DENND1A: variants seen among roughly 807,000 people sequenced by gnomAD.
DENND1A encodes DENN domain containing 1A.
Under a neutral mutation model 113.7 loss-of-function variants are expected in DENND1A, and 51 were observed. The observed-to-expected ratio is 0.45, with a 90% CI of 0.36 to 0.57. The LOEUF (loss-of-function observed/expected upper bound fraction) is 0.57, where lower values mean the gene tolerates loss of function less well. DENND1A is among the 20% of genes least tolerant of loss of function. DENND1A has a pLI of 0.00. For missense variants in DENND1A, 1,258 were observed against 1,395.9 expected (o/e 0.90, Z 1.57); for synonymous variants, 565 against 570.8 (o/e 0.99, Z 0.14).
At chr9:123,742,618 G>A (rs949729921) in intron 5 of DENND1A, among the ~76,000 whole-genome samples, 1 of 152,198 alleles carries the variant, frequency 6.6e-6, no homozygotes, top group Non-Finnish European at 1.5e-5. Flanking sequence ...AGTGGGGAAG[G>A]GAAGGAATTC....
At chr9:123,505,518 TG>T (rs1471060830) in intron 13 of DENND1A, among the ~76,000 whole-genome samples, 1 of 152,194 alleles carries the variant, frequency 6.6e-6, no homozygotes, top group Non-Finnish European at 1.5e-5. Context: ...ATATTGTATT[TG>T]GGGGGAAAAA....
At chr9:123,711,496 T>C (rs1328924078) in intron 5 of DENND1A, among the ~76,000 whole-genome samples, 2 of 83,378 alleles carry the variant, frequency 2.4e-5, no homozygotes, top group Admixed American at 1.5e-4. Flanking sequence ...AATATATATA[T>C]ATATATATGT....
intron 9 of DENND1A, among the ~76,000 whole-genome samples, chr9:123,641,910 C>A (rs1210028936): frequency 3.3e-5 from 5 of 152,160 alleles, no homozygotes; most frequent in Non-Finnish European, 7.3e-5. Context: ...AACAAGTTTT[C>A]TGGGTGGTTC....
At chr9:123,663,489 T>G (rs554306741) in intron 8 of DENND1A, among the ~76,000 whole-genome samples, 37 of 152,316 alleles carry the variant, frequency 2.4e-4, no homozygotes, top group Non-Finnish European at 4.0e-4. Flanking sequence ...AAATTTTTGG[T>G]GTGATTTAGT....
At chr9:123,614,930 C>A (rs973684074) in intron 10 of DENND1A, among the ~76,000 whole-genome samples, 3 of 152,192 alleles carry the variant, frequency 2.0e-5, no homozygotes, top group Non-Finnish European at 4.4e-5. Flanking sequence ...CGTGTAAACA[C>A]AGATTGTCTT....
chr9:123,460,344 G>A (rs1007931903), intron 13 of DENND1A, among the ~76,000 whole-genome samples: 1 of 152,140 alleles, frequency 6.6e-6, no homozygotes, highest in Admixed American at 6.5e-5. Flanking sequence ...CTTGGGACCA[G>A]AGCAGGGCAA....
intron 12 of DENND1A, among the ~76,000 whole-genome samples, chr9:123,575,417 A>G (rs10818843): frequency 0.056 from 8,497 of 152,294 alleles, 323 homozygotes; most frequent in South Asian, 0.094. Flanking sequence ...TCCACAGCCC[A>G]GGGGTTGGAG....
rs138255478 is a variant in DENND1A, at chr9:123,592,922, A to T, written c.766-9652T>A. Among the ~76,000 whole-genome samples, 139 of 152,364 alleles carry T rather than the reference A, an allele frequency of 9.1e-4. 1 individual carries two copies. The highest frequency in any genetic ancestry group is 3.2e-3 in the African/African-American group (132 of 41,574). The stretch of plus-strand genomic sequence containing the variant: ...TTTTGGCAATTAAATGAGTTAATAT[A>T]TGTGTAATACCTAGGATAGTGTCTG... On this transcript the variant is annotated intron_variant, in intron 11 of 23. Coordinates refer to ENST00000394215, the MANE Select transcript of DENND1A (RefSeq NM_001352964.2).
At chr9:123,429,891 A>G (rs1454786157) in intron 19 of DENND1A, among the ~76,000 whole-genome samples, 5 of 152,234 alleles carry the variant, frequency 3.3e-5, no homozygotes, top group Non-Finnish European at 7.3e-5. Context: ...AAAATAAATT[A>G]TCATCAGAGT....
intron 13 of DENND1A, among the ~76,000 whole-genome samples, chr9:123,517,486 TG>T (rs1259068280): frequency 2.7e-4 from 41 of 151,430 alleles, no homozygotes; most frequent in Admixed American, 1.3e-3. Flanking sequence ...CTGAGCATGG[TG>T]GTGCGCCTGA....
At chr9:123,650,002 T>C (rs2062557510) in intron 9 of DENND1A, among the ~76,000 whole-genome samples, 1 of 152,236 alleles carries the variant, frequency 6.6e-6, no homozygotes, top group Non-Finnish European at 1.5e-5. Flanking sequence ...AACATCATGA[T>C]TAAATGATAA....
At chr9:123,696,078 A>G (rs1237746574) in intron 5 of DENND1A, among the ~76,000 whole-genome samples, 1 of 152,136 alleles carries the variant, frequency 6.6e-6, no homozygotes, top group Non-Finnish European at 1.5e-5. Flanking sequence ...TACAACTGTG[A>G]ACTTCAAAAT....
chr9:123,641,391 A>G (rs1433378329), intron 9 of DENND1A, among the ~76,000 whole-genome samples: 1 of 152,022 alleles, frequency 6.6e-6, no homozygotes, highest in Non-Finnish European at 1.5e-5. Context: ...CTAAAATAAT[A>G]AAATTTTCTG....
intron 11 of DENND1A, among the ~76,000 whole-genome samples, chr9:123,594,484 G>C (rs2059599003): frequency 6.6e-6 from 1 of 151,868 alleles, no homozygotes; most frequent in Non-Finnish European, 1.5e-5. Flanking sequence ...TCTACCCAAG[G>C]CATGGCATTA....
chr9:123,580,444 A>G (rs900923472), intron 12 of DENND1A, among the ~76,000 whole-genome samples: 2 of 152,210 alleles, frequency 1.3e-5, no homozygotes, highest in African/African-American at 2.4e-5. Context: ...CTGACATACA[A>G]TCTTTGAAGA....
At chr9:123,436,355 C>T (rs1371885391) in intron 19 of DENND1A, among the ~76,000 whole-genome samples, 1 of 152,266 alleles carries the variant, frequency 6.6e-6, no homozygotes, top group Non-Finnish European at 1.5e-5. Flanking sequence ...CCATTGTCCA[C>T]TTATCTCGAG....
intron 5 of DENND1A, among the ~76,000 whole-genome samples, chr9:123,690,527 T>C (rs146087707): frequency 1.3e-5 from 2 of 152,334 alleles, no homozygotes; most frequent in East Asian, 3.9e-4. Flanking sequence ...TGGAAAAACA[T>C]TTACAATATA....
intron 5 of DENND1A, among the ~76,000 whole-genome samples, chr9:123,715,459 A>G (rs1047044200): frequency 6.6e-6 from 1 of 152,170 alleles, no homozygotes; most frequent in Non-Finnish European, 1.5e-5. Context: ...TTCTTCATTC[A>G]TTCACCCACA....
chr9:123,901,141 T>C (rs111865323), intron 1 of DENND1A, among the ~76,000 whole-genome samples: 1 of 152,176 alleles, frequency 6.6e-6, no homozygotes, highest in Admixed American at 6.5e-5. Context: ...TCAACTGACA[T>C]GTTCAGATTG....
Sources: allele counts gnomAD v4.1 joint callset (sites outside exome capture counted in the v4.1 genomes callset), GRCh38; gene constraint gnomAD v4.1.1; transcripts MANE v1.5; gene names NCBI Gene and HGNC (gene_info 2026-07-23, HGNC 2026-07-21).